The following SENP7 variants were observed in gnomAD, a reference collection of about 807,000 sequenced individuals.
The protein encoded by SENP7 is sentrin-specific protease 7.
SENP7 carries 64 observed loss-of-function variants against 141.2 expected under a neutral mutation model. The ratio of observed to expected loss-of-function variants is 0.45; its 90% CI spans 0.37 to 0.56. SENP7 has a LOEUF of 0.56. Ranked by LOEUF, SENP7 falls within the 20% of genes least tolerant of loss-of-function variation. The pLI is 0.00. For synonymous variants in SENP7, 382 were observed against 426.4 expected (o/e 0.90, Z 1.28); for missense variants, 1,025 against 1,212.2 (o/e 0.85, Z 2.29).
chr3:101,438,535 A>C (rs2107752529), intron 4 of SENP7, among the ~76,000 whole-genome samples: 1 of 152,316 alleles, frequency 6.6e-6, no homozygotes, highest in East Asian at 1.9e-4. Flanking sequence ...ACAACATTAA[A>C]CTGTACAATT....
chr3:101,492,987 T>C (rs1482206790), intron 3 of SENP7, among the ~76,000 whole-genome samples: 2 of 152,088 alleles, frequency 1.3e-5, no homozygotes, highest in Non-Finnish European at 2.9e-5. Flanking sequence ...ACCCTGACTC[T>C]AAAGAACCTA....
chr3:101,329,869 C>A (rs961620887), intron 20 of SENP7, among the ~76,000 whole-genome samples: 5 of 148,568 alleles, frequency 3.4e-5, no homozygotes, highest in Non-Finnish European at 1.5e-5. Context: ...GCAGGAGAAT[C>A]GCTTGAATCC....
intron 4 of SENP7, among the ~76,000 whole-genome samples, chr3:101,447,067 CATACAA>C (rs937415845): frequency 2.6e-5 from 4 of 151,972 alleles, no homozygotes; most frequent in African/African-American, 7.2e-5. Flanking sequence ...AAATTGATAC[CATACAA>C]ATACAAAGGA....
chr3:101,338,019 G>C (rs2059233050), intron 16 of SENP7, among the ~76,000 whole-genome samples: 4 of 151,958 alleles, frequency 2.6e-5, no homozygotes, highest in Admixed American at 2.6e-4. Context: ...TGGGTGTGGT[G>C]GTGTGCACCT....
chr3:101,447,715 G>C (rs1333049723), intron 4 of SENP7, among the ~76,000 whole-genome samples: 3 of 151,736 alleles, frequency 2.0e-5, no homozygotes, highest in Non-Finnish European at 2.9e-5. Flanking sequence ...TGGTTTTTTG[G>C]TTAAAATGAT....
rs146869903 is a variant in SENP7, at chr3:101,495,702, G to C, written c.91-1734C>G. On this transcript the variant is annotated intron_variant, in intron 2 of 23. Transcript: ENST00000394095. ...CTTTTAAGTGGGAGCTGAATGATGA[G>C]AACAGATGGACACAATGGGGGAACA... Among the ~76,000 whole-genome samples, 24 of 152,300 alleles carry C rather than the reference G, an allele frequency of 1.6e-4. No individual in the cohort carries two copies. The East Asian group carries it at 4.0e-3, about 26-fold the overall frequency.
At position 101,449,822 on chromosome 3, in the gene SENP7, A is replaced by G. The variant is rs182376039; in HGVS notation, c.284+9133T>C. 3.8e-4 allele frequency among the ~76,000 whole-genome samples: 58 copies of G among 152,322 alleles called. 1 individual carries two copies. The East Asian group carries it at 8.7e-3, about 23-fold the overall frequency. On this transcript the variant is annotated intron_variant, in intron 4 of 23. Coordinates refer to ENST00000394095, the MANE Select transcript of SENP7 (RefSeq NM_020654.5). ...AGAAACTGCAACTAATGAGCAAAATAACCAGCTAACATCATAATGACAGGA... is the reference window on the plus strand; with the variant it reads ...AGAAACTGCAACTAATGAGCAAAATGACCAGCTAACATCATAATGACAGGA...
chr3:101,406,327 G>T (rs2061302937), intron 5 of SENP7, among the ~76,000 whole-genome samples: 1 of 151,820 alleles, frequency 6.6e-6, no homozygotes, highest in Admixed American at 6.6e-5. Context: ...GCAAACTATT[G>T]CAAGGACAAA....
intron 16 of SENP7, 81 bp from the exon 17 acceptor site, chr3:101,337,712 A>T: frequency 8.5e-7 from 1 of 1,179,568 alleles, no homozygotes; most frequent in Non-Finnish European, 1.1e-6. Flanking sequence ...GTGTTCTGGA[A>T]ATCTTTATTT....
At chr3:101,462,805 T>G (rs924276495) in intron 3 of SENP7, among the ~76,000 whole-genome samples, 1 of 150,086 alleles carries the variant, frequency 6.7e-6, no homozygotes, top group East Asian at 2.0e-4. Flanking sequence ...GAGGCAGAGG[T>G]TGCAGTGAGC....
intron 2 of SENP7, 21 bp downstream of exon 2, chr3:101,501,049 A>G (rs1245324627): frequency 6.4e-7 from 1 of 1,557,154 alleles, no homozygotes; most frequent in Non-Finnish European, 8.8e-7. Context: ...ATAATAGGTT[A>G]AAAGCAAAAC....
intron 14 of SENP7, 149 bp downstream of exon 14, chr3:101,343,537 A>G (rs1400916251): frequency 1.7e-6 from 1 of 605,088 alleles, no homozygotes; most frequent in African/African-American, 1.9e-5. Flanking sequence ...TGTTTAACAA[A>G]TTGTTCCAGC....
In SENP7 at chr3:101,398,925, A is replaced by G; in HGVS notation, c.613T>C (p.Ser205Pro). The change falls in exon 6 of 24, where the codon TCT becomes CCT. Residue 205 changes from serine (S) to proline (P), a missense_variant. Physicochemically the swap from Ser to Pro is moderately conservative, Grantham distance 74 (BLOSUM62 -1). Around this residue, in one of 4 missense-constraint regions of SENP7, gnomAD observed 496 missense variants for 503.5 expected, o/e 0.99. Transcript: ENST00000394095. ...NLQSEQLSSS[S>P]DGSLESYQNL... ...TGATAAGATTCTAGGCTGCCATCAG[A>G]TGATGAAGAAAGTTGCTCTGATTGC... 6.2e-7 allele frequency: 1 copy of G among 1,612,938 alleles called. No individual in the cohort carries two copies. Among genetic ancestry groups the G allele is most frequent in the Non-Finnish European group, 8.5e-7 (1 of 1,179,206 alleles).
chr3:101,424,049 G>C (rs2061871382), intron 4 of SENP7, among the ~76,000 whole-genome samples: 3 of 152,104 alleles, frequency 2.0e-5, no homozygotes, highest in Non-Finnish European at 2.9e-5. Context: ...TTAGCCCTAG[G>C]GGAACTGTTG....
Position 101,501,074 on chromosome 3 carries a change from G to A in SENP7, c.86C>T (p.Ser29Leu), listed in dbSNP as rs1207939879. The change falls in exon 2 of 24, where the codon TCG becomes TTG. Residue 29 changes from serine (S) to leucine (L), a missense_variant. Ser to Leu is a moderately radical substitution (Grantham distance 145). This residue lies in a region of SENP7 where 496 missense variants were observed against 503.5 expected (regional missense o/e 0.99). Transcript: ENST00000394095. ...GKRKKSSSDL[S>L]EIRKMLNAKP... ...AAAAGCAAAACAAATGCATACCTCC[G>A]ATAAATCAGAAGATGACTTTTTCCT... 1.2e-5 allele frequency: 19 copies of A among 1,601,380 alleles called. No individual in the cohort carries two copies. Among genetic ancestry groups the A allele is most frequent in the African/African-American group, 4.0e-5 (3 of 74,538 alleles).
chr3:101,410,175 T>A (rs1360456948), intron 5 of SENP7, among the ~76,000 whole-genome samples: 2 of 151,998 alleles, frequency 1.3e-5, no homozygotes, highest in South Asian at 4.2e-4. Flanking sequence ...CCAAAAAACA[T>A]ATGAAAAAGT....
intron 6 of SENP7, among the ~76,000 whole-genome samples, chr3:101,391,817 G>C (rs1253159400): frequency 1.3e-5 from 2 of 152,126 alleles, no homozygotes; most frequent in African/African-American, 4.8e-5. Flanking sequence ...CAACACAGAT[G>C]CAAAAATCCT....
intron 23 of SENP7, 64 bp downstream of exon 23, chr3:101,327,602 C>T (rs940931139): frequency 2.3e-6 from 3 of 1,276,924 alleles, no homozygotes; most frequent in African/African-American, 3.0e-5. Flanking sequence ...GACTATTACA[C>T]CCAGTAACTT....
At chr3:101,497,428 A>AG (rs2065202386) in intron 2 of SENP7, among the ~76,000 whole-genome samples, 1 of 152,188 alleles carries the variant, frequency 6.6e-6, no homozygotes, top group African/African-American at 2.4e-5. Context: ...TCCCTGGGAA[A>AG]GTGGTTGATT....
Sources: allele counts gnomAD v4.1 joint callset (sites outside exome capture counted in the v4.1 genomes callset), GRCh38; gene constraint gnomAD v4.1.1; regional missense constraint gnomAD v4.1.1; transcripts MANE v1.5; gene names NCBI Gene and HGNC (gene_info 2026-07-23, HGNC 2026-07-21).